The following LIPI variants were observed in gnomAD, a reference collection of about 807,000 sequenced individuals.
LIPI encodes the protein lipase I, also known as lipase member I.
LIPI carries 59 observed loss-of-function variants against 50.6 expected under a neutral mutation model. The observed-to-expected ratio is 1.16, with a 90% CI of 0.94 to 1.45. LIPI has a LOEUF of 1.45. Ranked by LOEUF, LIPI falls within the 40% of genes most tolerant of loss-of-function variation. The pLI is 0.00. For missense variants in LIPI, 586 were observed against 536.3 expected (o/e 1.09, Z -0.92); for synonymous variants, 203 against 178.2 (o/e 1.14, Z -1.11).
chr21:14,113,934 T>C (rs2016516362), intron 9 of LIPI, among the ~76,000 whole-genome samples: 1 of 152,124 alleles, frequency 6.6e-6, no homozygotes, highest in Non-Finnish European at 1.5e-5. Flanking sequence ...ACACCTGTAA[T>C]CCCAACACCT....
chr21:14,139,406 T>C (rs1315020305), intron 9 of LIPI, among the ~76,000 whole-genome samples: 1 of 152,170 alleles, frequency 6.6e-6, no homozygotes, highest in African/African-American at 2.4e-5. Flanking sequence ...TAAAAACATG[T>C]CTATTAATCA....
At chr21:14,187,670 T>C (rs2019501984) in intron 2 of LIPI, among the ~76,000 whole-genome samples, 1 of 152,140 alleles carries the variant, frequency 6.6e-6, no homozygotes, top group African/African-American at 2.4e-5. Flanking sequence ...TTGGTGGAGA[T>C]GGTTGAATCA....
chr21:14,128,429 G>T (rs1365128852), intron 9 of LIPI, among the ~76,000 whole-genome samples: 2 of 152,022 alleles, frequency 1.3e-5, no homozygotes, highest in African/African-American at 4.8e-5. Flanking sequence ...TCTGAGCTGA[G>T]AAACCTTAGG....
Position 14,128,060 on chromosome 21 carries a change from G to C in LIPI, c.1295+16563C>G, listed in dbSNP as rs1458889313. 2.0e-5 allele frequency among the ~76,000 whole-genome samples: 3 copies of C among 152,124 alleles called. No individual in the cohort carries two copies. The East Asian group carries it at 5.8e-4, about 29-fold the overall frequency. ...GATATAACATAGAACCAATAACGTT[G>C]TGTTCACCTTGTTTTTTATGTAAAT... On this transcript the variant is annotated intron_variant, in intron 9 of 9. Coordinates refer to ENST00000681601, the MANE Select transcript of LIPI (RefSeq NM_001302998.2).
At chr21:14,181,560 A>G (rs543497002) in intron 4 of LIPI, among the ~76,000 whole-genome samples, 198 bp downstream of exon 4, 2 of 152,288 alleles carry the variant, frequency 1.3e-5, no homozygotes, top group South Asian at 4.1e-4. Flanking sequence ...GGCAAACTGA[A>G]GTCAAAGAGT....
intron 3 of LIPI, among the ~76,000 whole-genome samples, chr21:14,185,196 G>C (rs1400000747): frequency 6.6e-6 from 1 of 152,120 alleles, no homozygotes; most frequent in Admixed American, 6.5e-5. Context: ...CTTTGTTATA[G>C]AAATATGAAG....
chr21:14,153,757 G>C (rs1198786753), intron 7 of LIPI, among the ~76,000 whole-genome samples: 1 of 152,070 alleles, frequency 6.6e-6, no homozygotes, highest in Non-Finnish European at 1.5e-5. Context: ...TGAAATGGAG[G>C]TCCCTGCACA....
chr21:14,168,579 A>T (rs1195682342), intron 4 of LIPI, among the ~76,000 whole-genome samples: 1 of 152,236 alleles, frequency 6.6e-6, no homozygotes, highest in African/African-American at 2.4e-5. Flanking sequence ...GAAAGGAAAG[A>T]ATTGTCAACC....
rs140572514 is a variant in LIPI at position 14,142,924 on chromosome 21, A to G, written c.1295+1699T>C. On this transcript the variant is annotated intron_variant, in intron 9 of 9. Transcript: ENST00000681601. ...CCTAGGAAGTACTTTCCTGACATCA[A>G]GTTCCCTAAGATGTGAACTTTAATC... Among the ~76,000 whole-genome samples the G allele has an allele frequency of 6.1e-3, 927 of 152,244 alleles. 11 individuals are homozygous for G. Among genetic ancestry groups the G allele is most frequent in the African/African-American group, 0.02 (845 of 41,550 alleles).
At chr21:14,198,310 A>G (rs746869529) in intron 1 of LIPI, among the ~76,000 whole-genome samples, 4 of 152,166 alleles carry the variant, frequency 2.6e-5, no homozygotes, top group Non-Finnish European at 5.9e-5. Flanking sequence ...CCCCAATTGA[A>G]AGACACAGAG....
chr21:14,141,692 C>T (rs2822429), intron 9 of LIPI, among the ~76,000 whole-genome samples: 46,067 of 152,050 alleles, frequency 0.3, 7,215 homozygotes, highest in Middle Eastern at 0.36. Flanking sequence ...GGTAGCTGCC[C>T]TGGCATTTGC....
chr21:14,175,920 T>C (rs2019077158), intron 4 of LIPI, among the ~76,000 whole-genome samples: 1 of 152,168 alleles, frequency 6.6e-6, no homozygotes, highest in Non-Finnish European at 1.5e-5. Context: ...GGCTCAAGTC[T>C]GTAATCCCAG....
At chr21:14,180,661 G>C (rs1043884059) in intron 4 of LIPI, among the ~76,000 whole-genome samples, 6 of 152,310 alleles carry the variant, frequency 3.9e-5, no homozygotes, top group Admixed American at 1.3e-4. Flanking sequence ...AATAAGACAT[G>C]AGAGGTTTGG....
chr21:14,174,201 C>T (rs1415939610), intron 4 of LIPI, among the ~76,000 whole-genome samples: 1 of 152,048 alleles, frequency 6.6e-6, no homozygotes, highest in Non-Finnish European at 1.5e-5. Context: ...TTGAAGCAGC[C>T]CTTGATTCAG....
chr21:14,144,766 G>A lies in LIPI; in HGVS notation c.1152C>T (p.Val384=). 1 of 1,581,264 alleles carries A rather than the reference G, an allele frequency of 6.3e-7. No individual in the cohort carries two copies. The highest frequency in any genetic ancestry group is 1.7e-5 in the Admixed American group (1 of 59,736). ...KNKPFYKLQE[V]KILAQFYNDF... ...CATTATAAAATTGAGCAAGAATCTT[G>A]ACTTCTTGAAGTTTATAAAATGGTT... The change falls in exon 9 of 10, where the codon GTC becomes GTT. Residue 384 remains valine (V), a synonymous_variant. Transcript: ENST00000681601.
chr21:14,161,637 AATAT>A (rs1258665529), intron 7 of LIPI, among the ~76,000 whole-genome samples: 3 of 111,070 alleles, frequency 2.7e-5, no homozygotes, highest in Non-Finnish European at 5.0e-5. Context: ...ATTAATATAT[AATAT>A]ATACATTATT....
At chr21:14,168,047 C>T (rs2123173558) in intron 4 of LIPI, among the ~76,000 whole-genome samples, 1 of 152,222 alleles carries the variant, frequency 6.6e-6, no homozygotes, top group African/African-American at 2.4e-5. Context: ...AAAGCCAAGG[C>T]TCGAGAACTA....
At chr21:14,203,213 G>A (rs971451529) in intron 1 of LIPI, among the ~76,000 whole-genome samples, 13 of 152,080 alleles carry the variant, frequency 8.5e-5, no homozygotes, top group African/African-American at 3.1e-4. Context: ...TGGAGAAATA[G>A]GAACACTTTT....
chr21:14,193,186 T>A (rs1443973445), intron 1 of LIPI, among the ~76,000 whole-genome samples: 1 of 151,914 alleles, frequency 6.6e-6, no homozygotes, highest in Non-Finnish European at 1.5e-5. Flanking sequence ...AGATAATGAT[T>A]TTGGGCTATT....
Sources: gnomAD v4.1 joint callset for allele counts (sites outside exome capture counted in the v4.1 genomes callset) on GRCh38, gnomAD v4.1.1 for gene constraint, MANE v1.5 for transcripts, NCBI Gene and HGNC (gene_info 2026-07-23, HGNC 2026-07-21) for gene names.